Variants in VAT1L observed in about 807,000 individuals in gnomAD.
The protein encoded by VAT1L is putative NADPH-dependent quinone oxidoreductase VAT1L.
In VAT1L, 34 loss-of-function variants were observed where a neutral mutation model predicts 44.1. The observed-to-expected ratio is 0.77, with a 90% CI of 0.59 to 1.03. VAT1L has a LOEUF of 1.03. Among genes scored for constraint, VAT1L ranks in the 50% least tolerant of loss-of-function variants. VAT1L has a pLI of 0.00. For synonymous variants in VAT1L, 253 were observed against 202.2 expected (o/e 1.25, Z -2.13); for missense variants, 615 against 538.8 (o/e 1.14, Z -1.40).
chr16:77,960,207 G>A (rs75111675), intron 7 of VAT1L, among the ~76,000 whole-genome samples: 19,171 of 152,104 alleles, frequency 0.13, 1,437 homozygotes, highest in East Asian at 0.27. Context: ...AGCTTAGGGG[G>A]TCTTGTAGGG....
chr16:77,899,447 C>A lies in VAT1L; in HGVS notation c.1077+14645C>A, dbSNP rs953319957. ...AGGTGACACTGCATCTCAAACCTTT[C>A]TGCATCTGTAACCCTTGCTCTTCCT... On this transcript the variant is annotated intron_variant, in intron 7 of 8. Transcript: ENST00000302536. Among the ~76,000 whole-genome samples, 3 of 152,246 alleles carry A rather than the reference C, an allele frequency of 2.0e-5. No individual in the cohort carries two copies. The East Asian group carries it at 5.8e-4, about 29-fold the overall frequency.
At chr16:77,933,970 G>T (rs924473605) in intron 7 of VAT1L, among the ~76,000 whole-genome samples, 2 of 152,180 alleles carry the variant, frequency 1.3e-5, no homozygotes, top group Non-Finnish European at 2.9e-5. Flanking sequence ...GCGATGGAAT[G>T]ACGTGGTCTG....
chr16:77,928,341 T>A (rs967289780), intron 7 of VAT1L, among the ~76,000 whole-genome samples: 17 of 152,230 alleles, frequency 1.1e-4, no homozygotes, highest in African/African-American at 3.4e-4. Context: ...ACTCAGCTGT[T>A]TGCTAATCCT....
chr16:77,867,457 T>TATTC (rs2016986654), intron 4 of VAT1L, among the ~76,000 whole-genome samples: 1 of 151,030 alleles, frequency 6.6e-6, no homozygotes, highest in African/African-American at 2.5e-5. Flanking sequence ...TCAGACCTTT[T>TATTC]GTTCATTCAT....
chr16:77,928,545 T>C (rs2017694155), intron 7 of VAT1L, among the ~76,000 whole-genome samples: 1 of 152,144 alleles, frequency 6.6e-6, no homozygotes, highest in Non-Finnish European at 1.5e-5. Flanking sequence ...CTATCTTGGA[T>C]GTGATGTGAC....
chr16:77,868,530 T>G (rs535703421), intron 4 of VAT1L, among the ~76,000 whole-genome samples: 1 of 152,258 alleles, frequency 6.6e-6, no homozygotes, highest in South Asian at 2.1e-4. Context: ...CTGTGCTTAT[T>G]TTTCAGAGGG....
intron 7 of VAT1L, among the ~76,000 whole-genome samples, chr16:77,926,492 G>A (rs574543314): frequency 6.6e-6 from 1 of 152,040 alleles, no homozygotes; most frequent in Non-Finnish European, 1.5e-5. Context: ...GCTGAGACAG[G>A]AGAATCGCTT....
At chr16:77,870,122 A>G (rs112688514) in intron 4 of VAT1L, among the ~76,000 whole-genome samples, 4 of 152,330 alleles carry the variant, frequency 2.6e-5, no homozygotes, top group African/African-American at 9.6e-5. Flanking sequence ...ACACATCAGC[A>G]CTGGGCTTGG....
At chr16:77,908,109 G>T (rs2017457143) in intron 7 of VAT1L, among the ~76,000 whole-genome samples, 1 of 151,906 alleles carries the variant, frequency 6.6e-6, no homozygotes. Flanking sequence ...TGTGGTGGCG[G>T]ACGCCTGTAG....
rs113644814 is a variant in VAT1L at position 77,806,283 on chromosome 16, C to T, written c.234-10638C>T. On this transcript the variant is annotated intron_variant, in intron 1 of 8. Transcript: ENST00000302536. ...GGAGTGCAGTGGCAAGATCTCGGCT[C>T]ATTGCAAGCTCCGCCTCCCGGGTTG... 8.3e-3 allele frequency among the ~76,000 whole-genome samples: 1,264 copies of T among 152,246 alleles called. 20 individuals carry two copies. The highest frequency in any genetic ancestry group is 0.029 in the African/African-American group (1,221 of 41,542).
At chr16:77,892,613 G>C (rs2017279881) in intron 7 of VAT1L, 1 of 678,444 alleles carries the variant, frequency 1.5e-6, no homozygotes. Flanking sequence ...GTGTCAAGGT[G>C]GTGACTTCAC....
intron 1 of VAT1L, among the ~76,000 whole-genome samples, chr16:77,816,131 C>T (rs1411877302): frequency 6.6e-6 from 1 of 151,804 alleles, no homozygotes; most frequent in African/African-American, 2.4e-5. Flanking sequence ...TTGCTAATAG[C>T]GTCATTGGAA....
chr16:77,908,180 A>G (rs1025132740), intron 7 of VAT1L, among the ~76,000 whole-genome samples: 24 of 151,600 alleles, frequency 1.6e-4, no homozygotes, highest in African/African-American at 5.6e-4. Context: ...TGGAGCTTGC[A>G]GTGAGCCGAG....
chr16:77,850,691 A>G (rs2016800289), intron 3 of VAT1L, among the ~76,000 whole-genome samples: 1 of 152,188 alleles, frequency 6.6e-6, no homozygotes, highest in African/African-American at 2.4e-5. Context: ...CATTTATCAA[A>G]ACCACAACTT....
At position 77,879,308 on chromosome 16, in the gene VAT1L, T is replaced by C. The variant is rs749701443; in HGVS notation, c.882+84T>C. On this transcript the variant is annotated intron_variant, in intron 6 of 8. Coordinates refer to ENST00000302536, the MANE Select transcript of VAT1L (RefSeq NM_020927.3). The surrounding 1 kb of genome is among the most constrained non-coding windows in gnomAD (Gnocchi z 4.1). ...CTTTGTTTTTGTTTGTTTGTTTGTT[T>C]TGAGACAGCGTCTCGTTCTGTCACC... is the stretch of plus-strand genomic sequence containing the variant. The C allele has an allele frequency of 1.0e-5, 15 of 1,462,038 alleles. No individual in the cohort carries two copies. Among genetic ancestry groups the C allele is most frequent in the Non-Finnish European group, 1.4e-5 (15 of 1,043,756 alleles). 90.6% of individuals were successfully genotyped at this position (1,462,038 alleles called of 1,614,324 possible). A position where few individuals can be genotyped will look rare whatever the true frequency, so the allele number is the denominator to read the frequency against.
At chr16:77,846,722 G>A (rs914045014) in intron 3 of VAT1L, among the ~76,000 whole-genome samples, 2 of 152,002 alleles carry the variant, frequency 1.3e-5, no homozygotes, top group African/African-American at 4.8e-5. Flanking sequence ...AAGGAATTAT[G>A]GTATATCTAT....
intron 1 of VAT1L, among the ~76,000 whole-genome samples, chr16:77,789,541 G>C (rs1482527677): frequency 6.6e-6 from 1 of 152,120 alleles, no homozygotes; most frequent in Non-Finnish European, 1.5e-5. Flanking sequence ...GCTGGATCCC[G>C]CCTCCTGCCC....
intron 7 of VAT1L, among the ~76,000 whole-genome samples, chr16:77,893,342 G>A (rs995749631): frequency 2.0e-5 from 3 of 152,206 alleles, no homozygotes; most frequent in African/African-American, 7.2e-5. Context: ...AAAGGACAAA[G>A]GGGAAGCAAG....
chr16:77,943,317 A>G (rs2017914194), intron 7 of VAT1L, among the ~76,000 whole-genome samples: 1 of 151,520 alleles, frequency 6.6e-6, no homozygotes, highest in African/African-American at 2.4e-5. Flanking sequence ...TCAGCCTCCC[A>G]AAGTGCTGCG....
Sources: allele counts gnomAD v4.1 joint callset (sites outside exome capture counted in the v4.1 genomes callset), GRCh38; gene constraint gnomAD v4.1.1; non-coding constraint Gnocchi (gnomAD v3.1); transcripts MANE v1.5; gene names NCBI Gene and HGNC (gene_info 2026-07-23, HGNC 2026-07-21).